Variants in GPR39 observed in about 807,000 individuals in gnomAD.
GPR39 encodes G protein-coupled receptor 39.
In GPR39, 23 loss-of-function variants were observed where a neutral mutation model predicts 18.4. The observed-to-expected ratio is 1.25, with a 90% CI of 0.90 to 1.77. GPR39 has a LOEUF of 1.77. Among genes scored for constraint, GPR39 ranks in the 40% most tolerant of loss-of-function variants. The pLI is 0.00. For synonymous variants in GPR39, 280 were observed against 257.9 expected (o/e 1.09, Z -0.82); for missense variants, 647 against 602.4 (o/e 1.07, Z -0.78).
chr2:132,628,100 T>C (rs1313378465), intron 1 of GPR39, among the ~76,000 whole-genome samples: 1 of 152,178 alleles, frequency 6.6e-6, no homozygotes, highest in African/African-American at 2.4e-5. Flanking sequence ...TCTCAGGGCA[T>C]GGACTGCCCC....
chr2:132,542,380 C>A (rs1158092755), intron 1 of GPR39, among the ~76,000 whole-genome samples: 1 of 152,218 alleles, frequency 6.6e-6, no homozygotes, highest in African/African-American at 2.4e-5. Context: ...CTACCAGTAA[C>A]TATTCTGTGA....
chr2:132,472,442 CTGAG>C (rs981754736), intron 1 of GPR39, among the ~76,000 whole-genome samples: 2 of 152,136 alleles, frequency 1.3e-5, no homozygotes, highest in African/African-American at 4.8e-5. Flanking sequence ...AAGTGGATGA[CTGAG>C]TGTCTGCCAG....
chr2:132,464,867 T>G (rs756126541), intron 1 of GPR39, among the ~76,000 whole-genome samples: 4 of 152,170 alleles, frequency 2.6e-5, no homozygotes, highest in Non-Finnish European at 5.9e-5. Context: ...TCTTACACGT[T>G]TTGTCTTCTA....
Position 132,619,707 on chromosome 2 carries a change from C to A in GPR39, c.857-25394C>A, listed in dbSNP as rs80326269. On this transcript the variant is annotated intron_variant, in intron 1 of 1. Coordinates refer to ENST00000329321, the MANE Select transcript of GPR39 (RefSeq NM_001508.3). ...GTGCAGATTAGACCTACTTTCCTTG[C>A]ACTGGCCTGGGTAGTTAGGCAATTT... Among the ~76,000 whole-genome samples, 501 of 152,202 alleles carry A rather than the reference C, an allele frequency of 3.3e-3. 3 individuals are homozygous for A. Among genetic ancestry groups the A allele is most frequent in the African/African-American group, 0.012 (478 of 41,522 alleles).
chr2:132,552,899 T>A (rs1285638001), intron 1 of GPR39, among the ~76,000 whole-genome samples: 1 of 123,874 alleles, frequency 8.1e-6, no homozygotes, highest in Non-Finnish European at 1.6e-5. Context: ...CACATATATA[T>A]ATACACACAC....
chr2:132,530,630 G>A (rs1454972351), intron 1 of GPR39, among the ~76,000 whole-genome samples: 1 of 152,218 alleles, frequency 6.6e-6, no homozygotes, highest in Non-Finnish European at 1.5e-5. Flanking sequence ...ACAAAGGGAA[G>A]CCCATCAGAC....
intron 1 of GPR39, among the ~76,000 whole-genome samples, chr2:132,606,893 G>A (rs1457174983): frequency 3.9e-5 from 6 of 152,276 alleles, no homozygotes; most frequent in South Asian, 2.1e-4. Flanking sequence ...TGGAGTCCGC[G>A]TTGCCCCTAA....
At chr2:132,481,149 G>A (rs570229778) in intron 1 of GPR39, among the ~76,000 whole-genome samples, 21 of 152,210 alleles carry the variant, frequency 1.4e-4, no homozygotes, top group African/African-American at 4.3e-4. Flanking sequence ...CATCTTATTC[G>A]TCTAAGCTGG....
chr2:132,428,932 G>A (rs952026479), intron 1 of GPR39, among the ~76,000 whole-genome samples: 6 of 152,180 alleles, frequency 3.9e-5, no homozygotes. Context: ...GTAACATTGG[G>A]GGTCGGGGTT....
At chr2:132,421,578 A>C (rs1166012381) in intron 1 of GPR39, among the ~76,000 whole-genome samples, 1 of 152,230 alleles carries the variant, frequency 6.6e-6, no homozygotes, top group African/African-American at 2.4e-5. Flanking sequence ...AGTTACATCT[A>C]GTGGCAGGGA....
chr2:132,606,620 T>A (rs1013706579), intron 1 of GPR39, among the ~76,000 whole-genome samples: 2 of 152,224 alleles, frequency 1.3e-5, no homozygotes, highest in African/African-American at 4.8e-5. Flanking sequence ...GCAGTTGGCT[T>A]GTGTTAGTTC....
chr2:132,556,227 G>T (rs1470282805), intron 1 of GPR39, among the ~76,000 whole-genome samples: 2 of 152,200 alleles, frequency 1.3e-5, no homozygotes, highest in Admixed American at 1.3e-4. Context: ...AAATGGCACA[G>T]AGTTTATGTA....
At chr2:132,541,161 G>T (rs1228752392) in intron 1 of GPR39, among the ~76,000 whole-genome samples, 1 of 152,106 alleles carries the variant, frequency 6.6e-6, no homozygotes, top group Non-Finnish European at 1.5e-5. Context: ...TCGGCTCACT[G>T]CAACCTCCGC....
chr2:132,506,121 G>A (rs1679130516), intron 1 of GPR39, among the ~76,000 whole-genome samples: 1 of 151,508 alleles, frequency 6.6e-6, no homozygotes, highest in South Asian at 2.1e-4. Flanking sequence ...TCTTATTGTG[G>A]TCTTGATTTT....
intron 1 of GPR39, among the ~76,000 whole-genome samples, chr2:132,630,823 C>A (rs1176942938): frequency 6.6e-6 from 1 of 152,108 alleles, no homozygotes; most frequent in Admixed American, 6.5e-5. Context: ...AGGTTCCCAG[C>A]TAGAAAACCT....
intron 1 of GPR39, among the ~76,000 whole-genome samples, chr2:132,552,155 T>C (rs1412118428): frequency 6.6e-6 from 1 of 152,218 alleles, no homozygotes; most frequent in Non-Finnish European, 1.5e-5. Context: ...CATAACAATA[T>C]TTACATAGTA....
intron 1 of GPR39, among the ~76,000 whole-genome samples, chr2:132,488,199 A>G (rs570034877): frequency 1.2e-4 from 18 of 152,288 alleles, no homozygotes; most frequent in African/African-American, 4.3e-4. Context: ...TTTTGGAAAA[A>G]TCAAGTTGTA....
Position 132,645,206 on chromosome 2 carries a change from C to T in GPR39, c.962C>T (p.Ala321Val), listed in dbSNP as rs1217617986. 2 of 1,614,024 alleles carry T rather than the reference C, an allele frequency of 1.2e-6. No individual in the cohort carries two copies. Among genetic ancestry groups the T allele is most frequent in the South Asian group, 1.1e-5 (1 of 91,068 alleles). The change falls in exon 2 of 2, where the codon GCG (alanine) becomes GTG (valine). Residue 321 changes from alanine to valine, a missense_variant. Physicochemically the swap from Ala to Val is moderately conservative, Grantham distance 64. Transcript: ENST00000329321. ...KHDWTRSYFR[A>V]YMILLPFSET... ...GACTGGACGAGGTCCTACTTCCGGGCGTACATGATCCTCCTCCCCTTCTCG... is the reference window on the plus strand; with the variant it reads ...GACTGGACGAGGTCCTACTTCCGGGTGTACATGATCCTCCTCCCCTTCTCG...
intron 1 of GPR39, among the ~76,000 whole-genome samples, chr2:132,455,964 G>T (rs1680720134): frequency 6.6e-6 from 1 of 152,122 alleles, no homozygotes; most frequent in African/African-American, 2.4e-5. Flanking sequence ...TGTTTATTTG[G>T]GGTGGAGAAT....
Sources: gnomAD v4.1 joint callset for allele counts (sites outside exome capture counted in the v4.1 genomes callset) on GRCh38, gnomAD v4.1.1 for gene constraint, MANE v1.5 for transcripts, NCBI Gene and HGNC (gene_info 2026-07-23, HGNC 2026-07-21) for gene names.